RFX5: variants seen among roughly 807,000 people sequenced by gnomAD.
The protein encoded by RFX5 is DNA-binding protein RFX5.
In RFX5, 30 loss-of-function variants were observed where a neutral mutation model predicts 41.2. The observed-to-expected ratio is 0.73, with a 90% CI of 0.54 to 0.99. RFX5 has a LOEUF of 0.99. RFX5 is among the 50% of genes least tolerant of loss of function. The pLI, the probability that RFX5 is intolerant of heterozygous loss-of-function variation, is 0.00. For missense variants in RFX5, 715 were observed against 773.6 expected (o/e 0.92, Z 0.90); for synonymous variants, 231 against 291.8 (o/e 0.79, Z 2.12).
chr1:151,342,951 C>T lies in RFX5; in HGVS notation c.1086G>A (p.Val362=). Residue 362 remains valine, a synonymous_variant, in exon 11 of 11, where the codon GTG becomes GTA. Coordinates refer to ENST00000452671, the MANE Select transcript of RFX5 (RefSeq NM_001025603.2). Reference sequence around the variant, plus strand: ...CCCTACTAGACAGAGGCAGTGTAGCCACTTTCAGGGCACCTGAAGAAAGCC... The same window carrying T: ...CCCTACTAGACAGAGGCAGTGTAGCTACTTTCAGGGCACCTGAAGAAAGCC... ...APRLSSGALK[V]ATLPLSSRAG... The T allele has an allele frequency of 6.2e-7, 1 of 1,614,108 alleles. No homozygotes were observed. Among genetic ancestry groups the T allele is most frequent in the Non-Finnish European group, 8.5e-7 (1 of 1,179,990 alleles).
chr1:151,342,923 C>G lies in RFX5; in HGVS notation c.1114G>C (p.Gly372Arg), dbSNP rs968244065. The stretch of plus-strand genomic sequence containing the variant: ...ATGGGCACAGCTGCTGGGGGTGCCC[C>G]GGCCCTACTAGACAGAGGCAGTGTA... ...VATLPLSSRA[G>R]APPAAVPIIN... Residue 372 changes from glycine (G) to arginine (R), a missense_variant, in exon 11 of 11, where the codon GGG becomes CGG. Physicochemically the swap from Gly to Arg is moderately radical, Grantham distance 125. Transcript: ENST00000452671. 2 of 1,614,148 alleles carry G rather than the reference C, an allele frequency of 1.2e-6. No individual in the cohort carries two copies. Among genetic ancestry groups the G allele is most frequent in the Non-Finnish European group, 1.7e-6 (2 of 1,180,014 alleles).
Position 151,342,664 on chromosome 1 carries a change from G to C in RFX5, c.1373C>G (p.Thr458Arg), listed in dbSNP as rs766955314. The C allele has an allele frequency of 2.5e-6, 4 of 1,614,206 alleles. No homozygotes were observed. The South Asian group carries it at 4.4e-5, about 18-fold the overall frequency. ...CCGTTTCCTTTTGGCATCACTTGCT[G>C]TATCCTCTATATCCTGCTTTGCTGC... ...AKAAKQDIEDTASDAKRKRGR... is the reference protein window; with the variant it reads ...AKAAKQDIEDRASDAKRKRGR... The change falls in exon 11 of 11, where the codon ACA becomes AGA. Residue 458 changes from threonine (T) to arginine (R), a missense_variant. Thr to Arg is a moderately conservative substitution (Grantham distance 71). Coordinates refer to ENST00000452671, the MANE Select transcript of RFX5 (RefSeq NM_001025603.2).
chr1:151,344,273 C>A lies in RFX5; in HGVS notation c.479G>T (p.Cys160Phe). ...RLGGRGQSKY[C>F]YSGIRRKTLV... is the part of the protein sequence containing the mutation. ...GGTCTTCCTCCTTATGCCACTGTAG[C>A]AATATCTGATGCAAGTTAAAGAGCA... The change falls in exon 8 of 11, where the codon TGC (cysteine) becomes TTC (phenylalanine). Residue 160 changes from cysteine (C) to phenylalanine (F), a missense_variant. Coordinates refer to ENST00000452671, the MANE Select transcript of RFX5 (RefSeq NM_001025603.2). 2 of 1,614,148 alleles carry A rather than the reference C, an allele frequency of 1.2e-6. No individual in the cohort carries two copies. The highest frequency in any genetic ancestry group is 1.7e-6 in the Non-Finnish European group (2 of 1,180,018).
intron 7 of RFX5, 40 bp from the exon 8 acceptor site, chr1:151,344,318 C>T (rs1274079016): frequency 1.2e-6 from 2 of 1,613,934 alleles, no homozygotes; most frequent in South Asian, 2.2e-5. Context: ...TGGCGATCTC[C>T]AAGCCCCTCG....
rs773033457 is a variant in RFX5 at position 151,342,799 on chromosome 1, T to G, written c.1238A>C (p.Glu413Ala). The part of the protein sequence containing the change: ...PGGLTQPRGT[E>A]NREVGIGGDQ... The stretch of plus-strand genomic sequence containing the variant: ...ACCACCTATGCCTACCTCTCTGTTC[T>G]CTGTGCCCCGGGGCTGAGTGAGTCC... The change falls in exon 11 of 11, where the codon GAG becomes GCG. Residue 413 changes from glutamate (E) to alanine (A), a missense_variant. Physicochemically the swap from Glu to Ala is moderately radical, Grantham distance 107 (BLOSUM62 -1). Transcript: ENST00000452671. 1 of 1,614,190 alleles carries G rather than the reference T, an allele frequency of 6.2e-7. No homozygotes were observed.
chr1:151,346,194 T>G lies in RFX5; in HGVS notation c.116+11A>C. ...TCTTGGACAGGACTTGGAGATGTGA[T>G]GAGTACTTACGAAATGGTACCTCGG... On this transcript the variant is annotated intron_variant, in intron 3 of 10. Coordinates refer to ENST00000452671, the MANE Select transcript of RFX5 (RefSeq NM_001025603.2). 1.9e-6 allele frequency: 3 copies of G among 1,612,982 alleles called. No homozygotes were observed. The highest frequency in any genetic ancestry group is 1.3e-5 in the African/African-American group (1 of 75,006).
At position 151,343,454 on chromosome 1, in the gene RFX5, C is replaced by T; in HGVS notation, c.758-12G>A. The T allele has an allele frequency of 6.2e-7, 1 of 1,612,054 alleles. No individual in the cohort carries two copies. The highest frequency in any genetic ancestry group is 2.2e-5 in the East Asian group (1 of 44,876). ...ATGTTCGTCCTCTTCTGCAGAGGTA[C>T]CAAAAAGGTAATAGAGTGAAGGTGA... is the stretch of plus-strand genomic sequence containing the variant. On this transcript the variant is annotated splice_polypyrimidine_tract_variant and intron_variant, in intron 9 of 10. Coordinates refer to ENST00000452671, the MANE Select transcript of RFX5 (RefSeq NM_001025603.2).
rs1293521989 is a variant in RFX5 at position 151,341,490 on chromosome 1, G to C, written c.*696C>G. The C allele has an allele frequency of 1.3e-5, 2 of 155,124 alleles. No homozygotes were observed. The highest frequency in any genetic ancestry group is 4.8e-5 in the African/African-American group (2 of 41,416). The allele number at this position is 155,124 out of a possible 1,614,324, so 9.6% of individuals were successfully genotyped here. A position where few individuals can be genotyped will look rare whatever the true frequency, so the allele number is the denominator to read the frequency against. ...CCCCACCCTTTTCCCCAAAGGTGTT[G>C]TCCATGATATAGAATAAGCAAATTA... On this transcript the variant is annotated 3_prime_UTR_variant, in exon 11 of 11. Coordinates refer to ENST00000452671, the MANE Select transcript of RFX5 (RefSeq NM_001025603.2).
chr1:151,346,434 A>G, intron 2 of RFX5, 55 bp downstream of exon 2: 1 of 853,828 alleles, frequency 1.2e-6, no homozygotes, highest in Admixed American at 2.5e-5. Flanking sequence ...AGAAAGGCAG[A>G]GAAACAGAAA....
chr1:151,345,362 C>A (rs1169074445), intron 4 of RFX5, 174 bp from the exon 5 acceptor site: 12 of 570,944 alleles, frequency 2.1e-5, no homozygotes, highest in Admixed American at 4.8e-5. Flanking sequence ...ACAATCCCAG[C>A]ACTTTGGAAG....
In RFX5 at chr1:151,341,674, C is replaced by T; in HGVS notation, c.*512G>A. 4.2e-6 allele frequency: 1 copy of T among 237,302 alleles called. No homozygotes were observed. The highest frequency in any genetic ancestry group is 8.5e-6 in the Non-Finnish European group (1 of 117,996). 14.7% of individuals were successfully genotyped at this position (237,302 alleles called of 1,614,324 possible). ...GGGGAAAAGTGTAATCTTAGGAATG[C>T]TGGCAGCCATTAAGTGGCCCAGACT... is the stretch of plus-strand genomic sequence containing the variant. On this transcript the variant is annotated 3_prime_UTR_variant, in exon 11 of 11. Transcript: ENST00000452671.
chr1:151,346,007 C>T, intron 3 of RFX5, 46 bp from the exon 4 acceptor site: 1 of 1,614,084 alleles, frequency 6.2e-7, no homozygotes. Flanking sequence ...AAGATTTTCC[C>T]TGTCTCTTTA....
rs942861285 is a variant in RFX5, at chr1:151,340,684, T to C, written c.*1502A>G. On this transcript the variant is annotated 3_prime_UTR_variant, in exon 11 of 11. Coordinates refer to ENST00000452671, the MANE Select transcript of RFX5 (RefSeq NM_001025603.2). ...ATGTATATGTGTTATGGGTCATAGG[T>C]ACTCATTAGTATGCTTCATAATTTA... 1 of 152,594 alleles carries C rather than the reference T, an allele frequency of 6.6e-6. No homozygotes were observed. The highest frequency in any genetic ancestry group is 1.5e-5 in the Non-Finnish European group (1 of 68,038). 9.5% of individuals were successfully genotyped at this position (152,594 alleles called of 1,614,324 possible).
At position 151,343,414 on chromosome 1, in the gene RFX5, C is replaced by G; in HGVS notation, c.786G>C (p.Arg262=). Residue 262 remains arginine (R), a synonymous_variant, in exon 10 of 11, where the codon CGG becomes CGC. Coordinates refer to ENST00000452671, the MANE Select transcript of RFX5 (RefSeq NM_001025603.2). ...AEEDEHAPRE[R]SSKPKNGLEN... ...CTAAACCATTCTTTGGTTTAGATGA[C>G]CGTTCCCGAGGTGCATGTTCGTCCT... 6.2e-7 allele frequency: 1 copy of G among 1,613,952 alleles called. No individual in the cohort carries two copies. Among genetic ancestry groups the G allele is most frequent in the Non-Finnish European group, 8.5e-7 (1 of 1,180,030 alleles).
Position 151,344,403 on chromosome 1 carries a change from C to G in RFX5, c.473+14G>C, listed in dbSNP as rs750170207. 4.5e-5 allele frequency: 73 copies of G among 1,614,106 alleles called. No individual in the cohort carries two copies. Among genetic ancestry groups the G allele is most frequent in the Non-Finnish European group, 5.8e-5 (69 of 1,180,036 alleles). On this transcript the variant is annotated intron_variant, in intron 7 of 10. Transcript: ENST00000452671. The stretch of plus-strand genomic sequence containing the variant: ...CCCAGGTCCTCCACCCCCAACCTCT[C>G]TAGTCAAGGATACTTGGACTGGCCC...
At chr1:151,343,527 T>A (rs1281592905) in intron 9 of RFX5, 85 bp from the exon 10 acceptor site, 1 of 1,452,396 alleles carries the variant, frequency 6.9e-7, no homozygotes, top group African/African-American at 1.4e-5. Flanking sequence ...ATTGACTGAC[T>A]GGTAGAGACA....
intron 4 of RFX5, among the ~76,000 whole-genome samples, chr1:151,345,611 CAAAAAA>C (rs5777769): frequency 9.6e-6 from 1 of 104,252 alleles, no homozygotes; most frequent in Non-Finnish European, 1.9e-5. Flanking sequence ...GACTCCATCT[CAAAAAA>C]AAAAAAAAAA....
In RFX5 at chr1:151,344,294, G is replaced by A; in HGVS notation, c.474-16C>T. On this transcript the variant is annotated splice_polypyrimidine_tract_variant and intron_variant, in intron 7 of 10. Transcript: ENST00000452671. ...GTAGCAATATCTGATGCAAGTTAAA[G>A]AGCAGCCAACACATGGCGATCTCCA... The A allele has an allele frequency of 1.2e-6, 2 of 1,614,094 alleles. No individual in the cohort carries two copies. Among genetic ancestry groups the A allele is most frequent in the Non-Finnish European group, 1.7e-6 (2 of 1,179,982 alleles).
chr1:151,342,161 A>T lies in RFX5; in HGVS notation c.*25T>A, dbSNP rs759672149. On this transcript the variant is annotated 3_prime_UTR_variant, in exon 11 of 11. Coordinates refer to ENST00000452671, the MANE Select transcript of RFX5 (RefSeq NM_001025603.2). ...CTAGGCAAAGTTAACGTAGGGATAT[A>T]AACACTCTTCCCCACAGACCTGTAT... The T allele has an allele frequency of 6.2e-7, 1 of 1,614,156 alleles. No homozygotes were observed. The highest frequency in any genetic ancestry group is 2.2e-5 in the East Asian group (1 of 44,880).
Sources: gnomAD v4.1 joint callset for allele counts (sites outside exome capture counted in the v4.1 genomes callset) on GRCh38, gnomAD v4.1.1 for gene constraint, MANE v1.5 for transcripts, NCBI Gene and HGNC (gene_info 2026-07-23, HGNC 2026-07-21) for gene names.